Variants in IFT43 observed in about 807,000 individuals in gnomAD.
The protein encoded by IFT43 is intraflagellar transport protein 43 homolog.
Under a neutral mutation model 32.3 loss-of-function variants are expected in IFT43, and 33 were observed. The ratio of observed to expected loss-of-function variants is 1.02; its 90% confidence interval spans 0.77 to 1.37. IFT43 has a LOEUF of 1.37. Among genes scored for constraint, IFT43 ranks in the 40% most tolerant of loss-of-function variants. The pLI, the probability that IFT43 is intolerant of heterozygous loss-of-function variation, is 0.00. For missense variants in IFT43, 274 were observed against 265.9 expected (o/e 1.03, Z -0.21); for synonymous variants, 93 against 98.2 (o/e 0.95, Z 0.31).
chr14:76,058,821 G>T, intron 4 of IFT43, 147 bp downstream of exon 4: 1 of 1,562,524 alleles, frequency 6.4e-7, no homozygotes, highest in Non-Finnish European at 8.6e-7. Context: ...TGAATCCAAG[G>T]TTTGGTTAAT....
At chr14:76,033,433 G>C (rs1011104401) in intron 3 of IFT43, among the ~76,000 whole-genome samples, 4 of 152,234 alleles carry the variant, frequency 2.6e-5, no homozygotes, top group African/African-American at 9.6e-5. Context: ...CTCCAAAACA[G>C]ACGGAGCTTG....
chr14:76,081,585 T>C (rs2037511126), intron 5 of IFT43, among the ~76,000 whole-genome samples: 1 of 152,256 alleles, frequency 6.6e-6, no homozygotes, highest in African/African-American at 2.4e-5. Flanking sequence ...TGCATGATTT[T>C]GTTGGACTGG....
At chr14:76,071,109 G>C (rs911276754) in intron 5 of IFT43, among the ~76,000 whole-genome samples, 8 of 152,174 alleles carry the variant, frequency 5.3e-5, no homozygotes, top group Admixed American at 5.2e-4. Context: ...ACATGCGCGT[G>C]TAGGAACTCC....
intron 5 of IFT43, among the ~76,000 whole-genome samples, chr14:76,063,832 A>T (rs1415050379): frequency 6.6e-6 from 1 of 152,196 alleles, no homozygotes; most frequent in Non-Finnish European, 1.5e-5. Context: ...AACATCTGTG[A>T]AATATTCTGG....
At chr14:76,014,423 C>T (rs1451167311) in intron 2 of IFT43, among the ~76,000 whole-genome samples, 1 of 152,220 alleles carries the variant, frequency 6.6e-6, no homozygotes, top group African/African-American at 2.4e-5. Flanking sequence ...GATCAAGTTG[C>T]ATCAGCTTCC....
intron 4 of IFT43, 190 bp from the exon 5 acceptor site, chr14:76,059,137 A>G (rs541789840): frequency 1.3e-6 from 2 of 1,501,130 alleles, no homozygotes; most frequent in Admixed American, 2.0e-5. Flanking sequence ...GGAATAGTGC[A>G]TCGCACAGCC....
intron 1 of IFT43, chr14:75,986,234 G>A (rs2139853399): frequency 7.7e-7 from 1 of 1,294,160 alleles, no homozygotes; most frequent in Non-Finnish European, 1.0e-6. Context: ...GGGACACCTC[G>A]TCGCAGAAGT....
At chr14:76,067,524 C>T (rs1039092111) in intron 5 of IFT43, among the ~76,000 whole-genome samples, 1 of 151,506 alleles carries the variant, frequency 6.6e-6, no homozygotes, top group Non-Finnish European at 1.5e-5. Context: ...GAGCCAAGAT[C>T]GCACTACCGC....
intron 2 of IFT43, among the ~76,000 whole-genome samples, chr14:76,014,679 A>T (rs570272593): frequency 6.6e-6 from 1 of 152,196 alleles, no homozygotes; most frequent in East Asian, 1.9e-4. Context: ...TCTCCTCAGC[A>T]CTTCCTGAGT....
At chr14:76,028,865 T>C (rs1363628454) in intron 3 of IFT43, among the ~76,000 whole-genome samples, 2 of 152,262 alleles carry the variant, frequency 1.3e-5, no homozygotes, top group African/African-American at 4.8e-5. Flanking sequence ...CCACCATTGA[T>C]GGACACCTAG....
intron 3 of IFT43, among the ~76,000 whole-genome samples, chr14:76,047,910 G>T (rs1218484317): frequency 1.3e-5 from 2 of 152,052 alleles, no homozygotes; most frequent in African/African-American, 4.8e-5. Flanking sequence ...GGGGAGGCAG[G>T]GTTGGTGATC....
chr14:75,998,067 G>A (rs926314902), intron 2 of IFT43, among the ~76,000 whole-genome samples: 1 of 152,204 alleles, frequency 6.6e-6, no homozygotes, highest in African/African-American at 2.4e-5. Flanking sequence ...GTTGATTTAA[G>A]TGCGGTCCCT....
chr14:76,034,551 G>A (rs2036565492), intron 3 of IFT43, among the ~76,000 whole-genome samples: 1 of 152,204 alleles, frequency 6.6e-6, no homozygotes, highest in African/African-American at 2.4e-5. Context: ...GTATCCCTGT[G>A]CAAAGAAGGT....
chr14:76,076,116 A>C (rs1357222715), intron 5 of IFT43, among the ~76,000 whole-genome samples: 1 of 152,246 alleles, frequency 6.6e-6, no homozygotes, highest in Non-Finnish European at 1.5e-5. Flanking sequence ...AGTGCTCTGC[A>C]GTGGCCAGGG....
At chr14:76,011,823 G>T (rs1238500386) in intron 2 of IFT43, among the ~76,000 whole-genome samples, 1 of 152,184 alleles carries the variant, frequency 6.6e-6, no homozygotes, top group East Asian at 1.9e-4. Flanking sequence ...CAGGGTTGAG[G>T]CAGGAGGAAG....
intron 3 of IFT43, among the ~76,000 whole-genome samples, chr14:76,045,646 A>G (rs2036794051): frequency 6.6e-6 from 1 of 152,110 alleles, no homozygotes; most frequent in Non-Finnish European, 1.5e-5. Flanking sequence ...GGCCTTTGTC[A>G]CCATGCTCGT....
intron 3 of IFT43, among the ~76,000 whole-genome samples, chr14:76,056,063 C>T (rs1046918446): frequency 1.3e-5 from 2 of 152,158 alleles, no homozygotes; most frequent in Non-Finnish European, 2.9e-5. Flanking sequence ...CCCATTTTGG[C>T]AATGAATTTA....
At chr14:75,999,755 G>C (rs902328352) in intron 2 of IFT43, among the ~76,000 whole-genome samples, 19 of 152,314 alleles carry the variant, frequency 1.2e-4, no homozygotes, top group African/African-American at 4.1e-4. Context: ...TGCAAAGCCT[G>C]TTCTAAGGCA....
intron 3 of IFT43, among the ~76,000 whole-genome samples, chr14:76,034,215 G>T (rs2036558259): frequency 6.6e-6 from 1 of 152,166 alleles, no homozygotes; most frequent in Non-Finnish European, 1.5e-5. Flanking sequence ...GATTCTGGAG[G>T]CTGGAAATCT....
Sources: allele counts gnomAD v4.1 joint callset (sites outside exome capture counted in the v4.1 genomes callset), GRCh38; gene constraint gnomAD v4.1.1; transcripts MANE v1.5; gene names NCBI Gene and HGNC (gene_info 2026-07-23, HGNC 2026-07-21).